The following MICU1 variants were observed in gnomAD, a reference collection of about 807,000 sequenced individuals.
MICU1 encodes calcium uptake protein 1, mitochondrial.
Under a neutral mutation model 56.8 loss-of-function variants are expected in MICU1, and 45 were observed. The ratio of observed to expected loss-of-function variants is 0.79; its 90% confidence interval spans 0.62 to 1.02. The LOEUF is 1.02. Among genes scored for constraint, MICU1 ranks in the 50% least tolerant of loss-of-function variants. The pLI is 0.00. For synonymous variants in MICU1, 186 were observed against 195.1 expected (o/e 0.95, Z 0.39); for missense variants, 504 against 587.1 (o/e 0.86, Z 1.46).
At chr10:72,614,945 C>T (rs533468162) in intron 1 of MICU1, among the ~76,000 whole-genome samples, 3 of 152,278 alleles carry the variant, frequency 2.0e-5, no homozygotes, top group East Asian at 1.9e-4. Flanking sequence ...AGAAAATTGA[C>T]GATTTTGACC....
intron 3 of MICU1, among the ~76,000 whole-genome samples, chr10:72,559,866 G>A (rs1381200525): frequency 1.3e-5 from 2 of 152,186 alleles, no homozygotes; most frequent in Non-Finnish European, 2.9e-5. Context: ...CCTCCTGTCA[G>A]ATCTGCGGCA....
chr10:72,452,512 T>C (rs1247537595), intron 8 of MICU1, among the ~76,000 whole-genome samples: 2 of 152,206 alleles, frequency 1.3e-5, no homozygotes, highest in Non-Finnish European at 2.9e-5. Context: ...AATACAGTCA[T>C]GTGCCACATA....
intron 9 of MICU1, among the ~76,000 whole-genome samples, chr10:72,409,180 C>CT: frequency 6.6e-6 from 1 of 152,166 alleles, no homozygotes; most frequent in East Asian, 1.9e-4. Flanking sequence ...GATGTTAATG[C>CT]CTTTTAATGA....
At chr10:72,446,965 G>A (rs991436615) in intron 8 of MICU1, among the ~76,000 whole-genome samples, 3 of 152,118 alleles carry the variant, frequency 2.0e-5, no homozygotes, top group African/African-American at 7.2e-5. Flanking sequence ...AAATAAGATT[G>A]AGAAAGGAAA....
intron 9 of MICU1, among the ~76,000 whole-genome samples, chr10:72,411,331 CT>C (rs1170548958): frequency 1.7e-3 from 236 of 142,828 alleles, no homozygotes; most frequent in South Asian, 8.8e-3. Flanking sequence ...TTTTACTTTT[CT>C]TTTTTTTTTT....
At chr10:72,413,405 G>C (rs1424629198) in intron 9 of MICU1, among the ~76,000 whole-genome samples, 2 of 152,032 alleles carry the variant, frequency 1.3e-5, no homozygotes, top group Non-Finnish European at 2.9e-5. Flanking sequence ...CACAAGCTAG[G>C]AGAAAATGCT....
intron 4 of MICU1, among the ~76,000 whole-genome samples, chr10:72,550,008 T>C (rs2132441509): frequency 6.6e-6 from 1 of 151,882 alleles, no homozygotes; most frequent in South Asian, 2.1e-4. Context: ...CTTAATGACG[T>C]TTTGGTCAAC....
chr10:72,381,856 A>G (rs1347537426), intron 10 of MICU1, among the ~76,000 whole-genome samples: 2 of 151,974 alleles, frequency 1.3e-5, no homozygotes, highest in African/African-American at 2.4e-5. Context: ...TCTTTTCCAC[A>G]AAGGGCTAGC....
chr10:72,465,313 T>G (rs1365601152), intron 8 of MICU1, among the ~76,000 whole-genome samples: 1 of 149,896 alleles, frequency 6.7e-6, no homozygotes, highest in African/African-American at 2.4e-5. Context: ...TTTTTTGTTT[T>G]TTTTTTTTTT....
intron 10 of MICU1, among the ~76,000 whole-genome samples, chr10:72,396,967 C>T (rs1863287287): frequency 6.6e-6 from 1 of 151,980 alleles, no homozygotes; most frequent in African/African-American, 2.4e-5. Flanking sequence ...AAGAGGGACC[C>T]CAAGACACAG....
intron 4 of MICU1, among the ~76,000 whole-genome samples, chr10:72,546,222 G>C (rs894644467): frequency 6.6e-6 from 1 of 152,066 alleles, no homozygotes. Flanking sequence ...CTAAAGTTTC[G>C]GTCAATCTCT....
intron 1 of MICU1, among the ~76,000 whole-genome samples, chr10:72,589,265 G>C (rs1362402575): frequency 6.6e-6 from 1 of 151,882 alleles, no homozygotes; most frequent in Non-Finnish European, 1.5e-5. Context: ...CTCCAGCCTG[G>C]GCGACTGACT....
rs1470184610 is a variant in MICU1, at chr10:72,407,990, G to A, written c.1119C>T (p.Asn373=). 12 of 1,613,716 alleles carry A rather than the reference G, an allele frequency of 7.4e-6. No individual in the cohort carries two copies. The highest frequency in any genetic ancestry group is 1.6e-4 in the Middle Eastern group (1 of 6,084). The change falls in exon 10 of 12, where the codon AAC becomes AAT. Residue 373 remains asparagine, a synonymous_variant. Transcript: ENST00000361114. ...TCAATGCAGTGTCCACATCATTAAT[G>A]TTCTTTAGGAAAGTAAAGAAGTTCT... ...EVENFFTFLK[N]INDVDTALSF...
At chr10:72,429,664 T>C (rs926851068) in intron 8 of MICU1, among the ~76,000 whole-genome samples, 1 of 152,118 alleles carries the variant, frequency 6.6e-6, no homozygotes, top group Non-Finnish European at 1.5e-5. Context: ...TTCTGTCCTA[T>C]TGTTGGGAGG....
intron 6 of MICU1, among the ~76,000 whole-genome samples, chr10:72,484,185 A>G: frequency 6.6e-6 from 1 of 152,192 alleles, no homozygotes; most frequent in Non-Finnish European, 1.5e-5. Context: ...CTAGTTTCCC[A>G]TATGATGTGC....
chr10:72,592,362 G>A (rs1339459594), intron 1 of MICU1, among the ~76,000 whole-genome samples: 1 of 151,986 alleles, frequency 6.6e-6, no homozygotes, highest in African/African-American at 2.4e-5. Flanking sequence ...GAAAATTCCT[G>A]GTCCAGATGG....
chr10:72,601,459 G>T (rs1002860806), intron 1 of MICU1, among the ~76,000 whole-genome samples: 1 of 137,892 alleles, frequency 7.3e-6, no homozygotes, highest in Non-Finnish European at 1.6e-5. Context: ...GGAAAGAAAA[G>T]AAAGAATTAA....
At chr10:72,421,596 C>G (rs1300471708) in intron 9 of MICU1, among the ~76,000 whole-genome samples, 2 of 152,076 alleles carry the variant, frequency 1.3e-5, no homozygotes, top group African/African-American at 4.8e-5. Flanking sequence ...TTTCCTTGTA[C>G]CAGGGGCAGC....
At chr10:72,373,393 T>C (rs112443368) in intron 11 of MICU1, among the ~76,000 whole-genome samples, 1 of 152,098 alleles carries the variant, frequency 6.6e-6, no homozygotes, top group South Asian at 2.1e-4. Flanking sequence ...CCTAAGCTGG[T>C]CTTGAACTCC....
Sources: gnomAD v4.1 joint callset for allele counts (sites outside exome capture counted in the v4.1 genomes callset) on GRCh38, gnomAD v4.1.1 for gene constraint, MANE v1.5 for transcripts, NCBI Gene and HGNC (gene_info 2026-07-23, HGNC 2026-07-21) for gene names.